APAF1: variants seen among roughly 807,000 people sequenced by gnomAD.
APAF1 encodes the protein apoptotic protease-activating factor 1.
Under a neutral mutation model 152.4 loss-of-function variants are expected in APAF1, and 91 were observed. The ratio of observed to expected loss-of-function variants is 0.60; its 90% CI spans 0.50 to 0.71. The LOEUF is 0.71. APAF1 is among the 30% of genes least tolerant of loss of function. APAF1 has a pLI of 0.00. For missense variants in APAF1, 1,283 were observed against 1,472.0 expected, an observed-to-expected ratio of 0.87 and a Z score of 2.10; for synonymous variants, 484 against 494.1, an observed-to-expected ratio of 0.98 and a Z score of 0.27.
At chr12:98,652,534 T>C (rs1239380073) in intron 4 of APAF1, among the ~76,000 whole-genome samples, 3 of 152,134 alleles carry the variant, frequency 2.0e-5, no homozygotes, top group Admixed American at 6.5e-5. Context: ...CTATTTTCCA[T>C]TGGGGTTTCC....
At chr12:98,715,398 T>A (rs1304816546) in intron 21 of APAF1, 29 bp from the exon 22 acceptor site, 1 of 1,609,784 alleles carries the variant, frequency 6.2e-7, no homozygotes, top group South Asian at 1.1e-5. Context: ...TAGTTTCTTC[T>A]TAATTTTCTG....
intron 26 of APAF1, among the ~76,000 whole-genome samples, chr12:98,730,462 A>G (rs2097759071): frequency 6.6e-6 from 1 of 152,248 alleles, no homozygotes; most frequent in Non-Finnish European, 1.5e-5. Context: ...GGTTTATAAG[A>G]TGTTACAAAG....
intron 3 of APAF1, 192 bp downstream of exon 3, chr12:98,649,007 C>A: frequency 1.3e-6 from 1 of 751,600 alleles, no homozygotes; most frequent in South Asian, 1.7e-5. Flanking sequence ...TCTTCTTGCC[C>A]AGTGAACTGT....
At chr12:98,703,943 C>T (rs2097718521) in intron 18 of APAF1, among the ~76,000 whole-genome samples, 1 of 152,174 alleles carries the variant, frequency 6.6e-6, no homozygotes. Flanking sequence ...TGTTCATTGC[C>T]AGGCACTAAT....
chr12:98,723,347 T>G, intron 23 of APAF1, 35 bp downstream of exon 23: 1 of 1,592,094 alleles, frequency 6.3e-7, no homozygotes, highest in Non-Finnish European at 8.6e-7. Context: ...TTTGAAAAAG[T>G]ATTCTCATAT....
chr12:98,705,443 TAG>T (rs2153337169), intron 18 of APAF1, among the ~76,000 whole-genome samples: 1 of 152,326 alleles, frequency 6.6e-6, no homozygotes, highest in East Asian at 1.9e-4. Context: ...CTTGGACTCT[TAG>T]AGATAAGGCG....
intron 2 of APAF1, 37 bp downstream of exon 2, chr12:98,648,534 A>T (rs756605547): frequency 6.2e-7 from 1 of 1,609,582 alleles, no homozygotes; most frequent in Non-Finnish European, 8.5e-7. Context: ...TTCCTTAAAA[A>T]TTTTTAGAAT....
chr12:98,667,845 C>T (rs1213209965), intron 10 of APAF1, among the ~76,000 whole-genome samples: 1 of 131,498 alleles, frequency 7.6e-6, no homozygotes, highest in East Asian at 2.5e-4. Context: ...AATCTCAGCT[C>T]ATTACACCCT....
intron 15 of APAF1, among the ~76,000 whole-genome samples, chr12:98,685,340 C>CTTTTTT (rs1215086990): frequency 7.0e-6 from 1 of 143,700 alleles, no homozygotes; most frequent in African/African-American, 2.5e-5. Flanking sequence ...ATACCCCTCC[C>CTTTTTT]TTTTTTTTTT....
chr12:98,705,089 A>G (rs2097719974), intron 18 of APAF1, among the ~76,000 whole-genome samples: 1 of 152,066 alleles, frequency 6.6e-6, no homozygotes, highest in African/African-American at 2.4e-5. Context: ...GGAGATCTTG[A>G]ACCTTATGTG....
At chr12:98,723,045 A>C (rs954062914) in intron 22 of APAF1, 148 bp from the exon 23 acceptor site, 2 of 733,540 alleles carry the variant, frequency 2.7e-6, no homozygotes, top group Non-Finnish European at 4.6e-6. Flanking sequence ...AAATGTGGAC[A>C]CCACAGTCTT....
At position 98,708,703 on chromosome 12, in the gene APAF1, A is replaced by G. The variant is rs1198449155; in HGVS notation, c.2840A>G (p.Gln947Arg). 1 of 1,612,470 alleles carries G rather than the reference A, an allele frequency of 6.2e-7. No individual in the cohort carries two copies. Among genetic ancestry groups the G allele is most frequent in the South Asian group, 1.1e-5 (1 of 90,586 alleles). Reference protein sequence around the residue: ...VLAVDHIRRLQLINGRTGQID... With the variant: ...VLAVDHIRRLRLINGRTGQID... ...GCAGTTGACCATATAAGACGTCTGC[A>G]AGTGAGTATTTTTTAGAAAACAATT... is the stretch of plus-strand genomic sequence containing the variant. Residue 947 changes from glutamine (Q) to arginine (R), a missense_variant and splice_region_variant, in exon 20 of 27, where the codon CAA (glutamine) becomes CGA (arginine). Physicochemically the swap from Gln to Arg is conservative, Grantham distance 43. Transcript: ENST00000551964.
intron 14 of APAF1, among the ~76,000 whole-genome samples, chr12:98,680,900 T>C (rs2097691537): frequency 6.6e-6 from 1 of 152,212 alleles, no homozygotes; most frequent in Non-Finnish European, 1.5e-5. Context: ...CTGCACAAAC[T>C]TGGGGATTCC....
chr12:98,729,062 A>G (rs572479625), intron 26 of APAF1, among the ~76,000 whole-genome samples: 1 of 152,216 alleles, frequency 6.6e-6, no homozygotes, highest in Non-Finnish European at 1.5e-5. Context: ...AAGTCCCTAA[A>G]GTTTAGAAGG....
At chr12:98,683,692 A>G (rs539918527) in intron 15 of APAF1, among the ~76,000 whole-genome samples, 42 of 152,360 alleles carry the variant, frequency 2.8e-4, no homozygotes, top group Non-Finnish European at 5.3e-4. Context: ...TATTTGACTC[A>G]TTTTGGCTTA....
chr12:98,654,466 C>T (rs866724296), intron 4 of APAF1, among the ~76,000 whole-genome samples: 1 of 152,086 alleles, frequency 6.6e-6, no homozygotes. Context: ...GATGCCCAGG[C>T]TGGGGTGCAA....
chr12:98,703,143 G>C (rs1418008832), intron 17 of APAF1, among the ~76,000 whole-genome samples: 2 of 152,118 alleles, frequency 1.3e-5, no homozygotes, highest in South Asian at 4.1e-4. Context: ...TAGCTTGAGA[G>C]CTCATCTGTG....
At chr12:98,670,802 G>T (rs2153319642) in intron 10 of APAF1, 171 bp from the exon 11 acceptor site, 1 of 505,234 alleles carries the variant, frequency 2.0e-6, no homozygotes, top group Non-Finnish European at 3.5e-6. Flanking sequence ...GAAGTATGAG[G>T]CCCATTTTAT....
rs543782992 is a variant in APAF1 at position 98,663,905 on chromosome 12, G to A, written c.955+1099G>A. ...AACTCCTGACCTCAGGTGATTGCCC[G>A]CCTCAGCCTCCCAAAGTGCTGGGAT... On this transcript the variant is annotated intron_variant, in intron 7 of 26. Transcript: ENST00000551964. 6.6e-5 allele frequency among the ~76,000 whole-genome samples: 10 copies of A among 152,150 alleles called. No individual in the cohort carries two copies. The South Asian group carries it at 1.7e-3, about 25-fold the overall frequency.
Sources: gnomAD v4.1 joint callset for allele counts (sites outside exome capture counted in the v4.1 genomes callset) on GRCh38, gnomAD v4.1.1 for gene constraint, MANE v1.5 for transcripts, NCBI Gene and HGNC (gene_info 2026-07-23, HGNC 2026-07-21) for gene names.